C2orf76: variants seen among roughly 807,000 people sequenced by gnomAD.
The protein encoded by C2orf76 is chromosome 2 open reading frame 76.
C2orf76 carries 23 observed loss-of-function variants against 16.9 expected under a neutral mutation model. The ratio of observed to expected loss-of-function variants is 1.36; its 90% confidence interval spans 0.98 to 1.93. The LOEUF (loss-of-function observed/expected upper bound fraction) is 1.93, where lower values mean the gene tolerates loss of function less well. C2orf76 is among the 30% of genes most tolerant of loss of function. The probability of loss-of-function intolerance (pLI) is 0.00; values close to 1 mark genes in which losing one functional copy is unlikely to be tolerated. For synonymous variants in C2orf76, 48 were observed against 52.3 expected, an observed-to-expected ratio of 0.92 and a Z score of 0.35; for missense variants, 152 against 152.6, an observed-to-expected ratio of 1.00 and a Z score of 0.02.
At chr2:119,309,479 G>A (rs565500757) in intron 5 of C2orf76, among the ~76,000 whole-genome samples, 32 of 133,910 alleles carry the variant, frequency 2.4e-4, no homozygotes, top group Admixed American at 9.2e-4. Context: ...GAGTGCAGTG[G>A]TATGATCTCA....
chr2:119,360,477 CAAAA>C (rs770401400), intron 1 of C2orf76, among the ~76,000 whole-genome samples: 5 of 66,922 alleles, frequency 7.5e-5, no homozygotes, highest in Middle Eastern at 0.019. Flanking sequence ...AACTCTGTCT[CAAAA>C]AAAAAAAAAA....
At chr2:119,288,682 G>A in the C2orf76 span, among the ~76,000 whole-genome samples, 1 of 151,990 alleles carries the variant, frequency 6.6e-6, no homozygotes, top group South Asian at 2.1e-4. Flanking sequence ...CTCCAACCCC[G>A]ACACTGGCAG....
At chr2:119,313,238 G>C (rs1369587716) in intron 4 of C2orf76, among the ~76,000 whole-genome samples, 1 of 152,012 alleles carries the variant, frequency 6.6e-6, no homozygotes, top group African/African-American at 2.4e-5. Context: ...CTCATTCACT[G>C]CAGAGCACAG....
intron 1 of C2orf76, among the ~76,000 whole-genome samples, chr2:119,343,896 A>G (rs1680117334): frequency 2.0e-5 from 3 of 152,238 alleles, no homozygotes; most frequent in Admixed American, 2.0e-4. Context: ...TGTCATTATT[A>G]TTCTATTTGG....
the C2orf76 span, among the ~76,000 whole-genome samples, chr2:119,286,695 A>G: frequency 6.6e-6 from 1 of 152,094 alleles, no homozygotes; most frequent in East Asian, 1.9e-4. Context: ...TTTTTAAAAG[A>G]TCACTCTGGC....
At chr2:119,283,610 G>C in the C2orf76 span, among the ~76,000 whole-genome samples, 1 of 152,050 alleles carries the variant, frequency 6.6e-6, no homozygotes, top group Admixed American at 6.6e-5. Flanking sequence ...GAGTAGCTGA[G>C]ATTACAGGCG....
intron 1 of C2orf76, among the ~76,000 whole-genome samples, chr2:119,344,237 C>T (rs1436835539): frequency 6.6e-6 from 1 of 152,174 alleles, no homozygotes; most frequent in Non-Finnish European, 1.5e-5. Flanking sequence ...GCCTTAAGGA[C>T]AGTGGGACAT....
chr2:119,285,825 A>G, the C2orf76 span, among the ~76,000 whole-genome samples: 3 of 152,162 alleles, frequency 2.0e-5, no homozygotes, highest in South Asian at 6.2e-4. Flanking sequence ...GAAATAACAG[A>G]CCCTTGCATT....
chr2:119,335,466 A>T (rs148504668), intron 2 of C2orf76, among the ~76,000 whole-genome samples: 189 of 152,348 alleles, frequency 1.2e-3, no homozygotes, highest in African/African-American at 4.3e-3. Context: ...ACCCATGCAC[A>T]CTGAGGGCAT....
At chr2:119,309,398 C>CTTTTT (rs1193022536) in intron 5 of C2orf76, among the ~76,000 whole-genome samples, 79 of 71,378 alleles carry the variant, frequency 1.1e-3, no homozygotes, top group Non-Finnish European at 1.4e-3. Flanking sequence ...TTCTCTTTTT[C>CTTTTT]TTTTTTTTTT....
intron 4 of C2orf76, among the ~76,000 whole-genome samples, chr2:119,314,927 T>C (rs77187246): frequency 0.027 from 4,076 of 152,266 alleles, 86 homozygotes; most frequent in East Asian, 0.13. Context: ...CGCACAGATC[T>C]TGAGAGGAGT....
At chr2:119,309,986 C>G (rs1179393184) in intron 5 of C2orf76, among the ~76,000 whole-genome samples, 1 of 152,180 alleles carries the variant, frequency 6.6e-6, no homozygotes, top group Non-Finnish European at 1.5e-5. Context: ...GTAATAAAAA[C>G]AGAGATGAGA....
chr2:119,297,103 T>C, the C2orf76 span, among the ~76,000 whole-genome samples: 1 of 152,224 alleles, frequency 6.6e-6, no homozygotes, highest in African/African-American at 2.4e-5. Flanking sequence ...AAGTGCTCAC[T>C]TCCTGCTAGG....
At chr2:119,360,715 C>T (rs1680718386) in intron 1 of C2orf76, among the ~76,000 whole-genome samples, 1 of 151,908 alleles carries the variant, frequency 6.6e-6, no homozygotes, top group Non-Finnish European at 1.5e-5. Context: ...TTCATAATAG[C>T]CAAAAAGTGG....
intron 4 of C2orf76, among the ~76,000 whole-genome samples, chr2:119,313,251 G>A (rs1448480242): frequency 6.6e-6 from 1 of 151,896 alleles, no homozygotes. Flanking sequence ...GAGCACAGGG[G>A]CTTAAAACTC....
downstream of C2orf76, among the ~76,000 whole-genome samples, chr2:119,300,175 A>G (rs1369223556): frequency 6.6e-6 from 1 of 152,230 alleles, no homozygotes; most frequent in East Asian, 1.9e-4. Flanking sequence ...ACATGCTACC[A>G]TTGAAGAACT....
intron 4 of C2orf76, among the ~76,000 whole-genome samples, chr2:119,316,925 C>T (rs978279588): frequency 2.0e-5 from 3 of 152,132 alleles, no homozygotes; most frequent in African/African-American, 7.2e-5. Context: ...ACACAACAAA[C>T]CCATAAATAA....
At chr2:119,321,090 G>A in intron 3 of C2orf76, 64 bp downstream of exon 3, 1 of 883,704 alleles carries the variant, frequency 1.1e-6, no homozygotes, top group Non-Finnish European at 1.6e-6. Flanking sequence ...CAAAATTTAA[G>A]TTTGTAACAA....
At chr2:119,351,224 A>C (rs1360049762) in intron 1 of C2orf76, among the ~76,000 whole-genome samples, 1 of 152,122 alleles carries the variant, frequency 6.6e-6, no homozygotes, top group Non-Finnish European at 1.5e-5. Context: ...CTCACAGCCA[A>C]CACCACTCAC....
Sources: allele counts gnomAD v4.1 joint callset (sites outside exome capture counted in the v4.1 genomes callset), GRCh38; gene constraint gnomAD v4.1.1; transcripts MANE v1.5; gene names NCBI Gene and HGNC (gene_info 2026-07-23, HGNC 2026-07-21).